Variants in SH3GL2 observed in about 807,000 individuals in gnomAD.
SH3GL2 encodes the protein endophilin-A1.
A neutral mutation model predicts 46.0 loss-of-function variants in SH3GL2; 24 were observed. The ratio of observed to expected loss-of-function variants is 0.52; its 90% CI spans 0.38 to 0.73. The LOEUF (loss-of-function observed/expected upper bound fraction) is 0.73. Among genes scored for constraint, SH3GL2 ranks in the 30% least tolerant of loss-of-function variants. SH3GL2 has a pLI of 0.00. For synonymous variants in SH3GL2, 196 were observed against 147.1 expected, an observed-to-expected ratio of 1.33 and a Z score of -2.40; for missense variants, 413 against 424.2, an observed-to-expected ratio of 0.97 and a Z score of 0.23.
At chr9:17,738,998 T>C (rs1280499097) in intron 1 of SH3GL2, among the ~76,000 whole-genome samples, 2 of 152,152 alleles carry the variant, frequency 1.3e-5, no homozygotes, top group African/African-American at 2.4e-5. Flanking sequence ...AGTTGATGCA[T>C]GCAACTCACT....
Position 17,579,179 on chromosome 9 carries a change from G to T in SH3GL2, c.-64G>T. ...CCAGGGGAGCGCGCCGCCCCGCTCGGCCCTCCAGTCCCCCTCCGCCTCCTC... is the reference window on the plus strand; with the variant it reads ...CCAGGGGAGCGCGCCGCCCCGCTCGTCCCTCCAGTCCCCCTCCGCCTCCTC... On this transcript the variant is annotated 5_prime_UTR_variant, in exon 1 of 9. Transcript: ENST00000380607. 1.6e-6 allele frequency: 2 copies of T among 1,264,416 alleles called. No homozygotes were observed. The highest frequency in any genetic ancestry group is 2.7e-5 in the South Asian group (2 of 72,898). The allele number at this position is 1,264,416 out of a possible 1,614,324, so 78.3% of individuals were successfully genotyped here. A position where few individuals can be genotyped will look rare whatever the true frequency, so the allele number is the denominator to read the frequency against.
intron 1 of SH3GL2, among the ~76,000 whole-genome samples, chr9:17,734,116 C>T (rs1419032044): frequency 3.3e-5 from 5 of 152,108 alleles, no homozygotes; most frequent in Admixed American, 3.3e-4. Context: ...CAGTTCATCA[C>T]TCCATAACAG....
At chr9:17,620,864 C>T (rs1490527070) in intron 1 of SH3GL2, among the ~76,000 whole-genome samples, 1 of 152,020 alleles carries the variant, frequency 6.6e-6, no homozygotes, top group Non-Finnish European at 1.5e-5. Flanking sequence ...TCAGAGGGGT[C>T]TGAAAGGGGG....
chr9:17,688,786 C>T (rs1027296729), intron 1 of SH3GL2, among the ~76,000 whole-genome samples: 4 of 151,882 alleles, frequency 2.6e-5, no homozygotes, highest in African/African-American at 7.3e-5. Context: ...CATAACCTGA[C>T]GTATCAAATA....
At chr9:17,694,208 T>TCCA (rs1258453253) in intron 1 of SH3GL2, among the ~76,000 whole-genome samples, 1 of 152,040 alleles carries the variant, frequency 6.6e-6, no homozygotes, top group East Asian at 1.9e-4. Flanking sequence ...GACTCACAGT[T>TCCA]CCACAGGCTG....
chr9:17,678,542 G>A (rs1820677286), intron 1 of SH3GL2, among the ~76,000 whole-genome samples: 1 of 152,184 alleles, frequency 6.6e-6, no homozygotes, highest in African/African-American at 2.4e-5. Flanking sequence ...CCCTTTGTCA[G>A]ATGAGTAGAT....
intron 1 of SH3GL2, among the ~76,000 whole-genome samples, chr9:17,595,058 TACTC>T (rs1294623920): frequency 2.0e-5 from 3 of 152,226 alleles, no homozygotes; most frequent in Admixed American, 6.5e-5. Flanking sequence ...ACTCATTTAT[TACTC>T]ACAGCAACCC....
chr9:17,737,598 C>A (rs1055113795), intron 1 of SH3GL2, among the ~76,000 whole-genome samples: 6 of 152,106 alleles, frequency 3.9e-5, no homozygotes, highest in African/African-American at 1.4e-4. Flanking sequence ...CCTTGCCCGT[C>A]CTCTGAGCTT....
intron 1 of SH3GL2, among the ~76,000 whole-genome samples, chr9:17,737,053 G>A (rs1012505622): frequency 3.3e-5 from 5 of 152,066 alleles, no homozygotes; most frequent in African/African-American, 1.2e-4. Context: ...TCCTTTGCGG[G>A]GACATAGCCG....
chr9:17,582,103 AT>A, intron 1 of SH3GL2, among the ~76,000 whole-genome samples: 1 of 152,278 alleles, frequency 6.6e-6, no homozygotes, highest in East Asian at 1.9e-4. Context: ...TGTACTTGGA[AT>A]TTCTGATTAA....
intron 2 of SH3GL2, among the ~76,000 whole-genome samples, chr9:17,751,479 C>CGTGTGTGTGTGTGTGTGTGTGTGT (rs58212352): frequency 6.8e-6 from 1 of 146,366 alleles, no homozygotes; most frequent in African/African-American, 2.5e-5. Flanking sequence ...TTTGTGTGTG[C>CGTGTGTGTGTGTGTGTGTGTGTGT]GTGTGTGTGT....
At chr9:17,636,597 T>C (rs1819549993) in intron 1 of SH3GL2, among the ~76,000 whole-genome samples, 2 of 152,224 alleles carry the variant, frequency 1.3e-5, no homozygotes, top group South Asian at 4.1e-4. Context: ...GGTATCATTT[T>C]CTTTTGACTC....
intron 8 of SH3GL2, 21 bp from the exon 9 acceptor site, chr9:17,795,523 C>G: frequency 6.2e-7 from 1 of 1,602,902 alleles, no homozygotes; most frequent in East Asian, 2.2e-5. Flanking sequence ...TTCTTCTCTT[C>G]TCTCCTGCTC....
chr9:17,751,226 G>T (rs988905728), intron 2 of SH3GL2, among the ~76,000 whole-genome samples: 1 of 152,190 alleles, frequency 6.6e-6, no homozygotes, highest in Non-Finnish European at 1.5e-5. Flanking sequence ...GAGAAAGAAT[G>T]CCATTTCATA....
At position 17,579,678 on chromosome 9, in the gene SH3GL2, C is replaced by G. The variant is rs112052839; in HGVS notation, c.45+391C>G. On this transcript the variant is annotated intron_variant, in intron 1 of 8. Transcript: ENST00000380607. ...CTCTTCACGGGTGACCTTGCGGAGTCGGTGCACCCGGCTTTCCCGGGATGT... is the reference window on the plus strand; with the variant it reads ...CTCTTCACGGGTGACCTTGCGGAGTGGGTGCACCCGGCTTTCCCGGGATGT... 3.4e-3 allele frequency among the ~76,000 whole-genome samples: 511 copies of G among 152,274 alleles called. 6 individuals are homozygous for G. Among genetic ancestry groups the G allele is most frequent in the African/African-American group, 0.012 (488 of 41,570 alleles).
chr9:17,751,605 C>T (rs962671548), intron 2 of SH3GL2, among the ~76,000 whole-genome samples: 1 of 152,110 alleles, frequency 6.6e-6, no homozygotes, highest in Admixed American at 6.5e-5. Context: ...CTGCTAGTTC[C>T]CTCCCATCAT....
At chr9:17,736,685 A>T (rs145813138) in intron 1 of SH3GL2, among the ~76,000 whole-genome samples, 2 of 152,120 alleles carry the variant, frequency 1.3e-5, no homozygotes, top group African/African-American at 4.8e-5. Context: ...TCTCAAATAC[A>T]TTCAGATATC....
At chr9:17,698,412 G>A (rs76230454) in intron 1 of SH3GL2, among the ~76,000 whole-genome samples, 2 of 152,164 alleles carry the variant, frequency 1.3e-5, no homozygotes, top group African/African-American at 4.8e-5. Context: ...CTGATGGATG[G>A]ATATCTCGGT....
intron 1 of SH3GL2, among the ~76,000 whole-genome samples, chr9:17,663,967 A>G (rs531028659): frequency 6.6e-6 from 1 of 152,192 alleles, no homozygotes; most frequent in Non-Finnish European, 1.5e-5. Flanking sequence ...TACTGTCACC[A>G]ACAGTGGCAG....
Sources: gnomAD v4.1 joint callset for allele counts (sites outside exome capture counted in the v4.1 genomes callset) on GRCh38, gnomAD v4.1.1 for gene constraint, MANE v1.5 for transcripts, NCBI Gene and HGNC (gene_info 2026-07-23, HGNC 2026-07-21) for gene names.